The following DENND2B variants were observed in gnomAD, a reference collection of about 807,000 sequenced individuals.
The protein encoded by DENND2B is DENN domain-containing protein 2B.
DENND2B carries 32 observed loss-of-function variants against 116.0 expected under a neutral mutation model. The ratio of observed to expected loss-of-function variants is 0.28; its 90% CI spans 0.21 to 0.37. The LOEUF is 0.37. Ranked by LOEUF, DENND2B falls within the 10% of genes least tolerant of loss-of-function variation. The pLI, the probability that DENND2B is intolerant of heterozygous loss-of-function variation, is 1.00. For synonymous variants in DENND2B, 588 were observed against 583.9 expected (o/e 1.01, Z -0.10); for missense variants, 1,276 against 1,477.7 (o/e 0.86, Z 2.24).
intron 1 of DENND2B, among the ~76,000 whole-genome samples, chr11:8,889,554 C>T (rs2064001409): frequency 1.3e-5 from 2 of 152,232 alleles, no homozygotes. Context: ...TAATACTGCA[C>T]TTTTCCAATG....
chr11:8,775,706 GAGCCAAATAT>G (rs1468691266), intron 1 of DENND2B, among the ~76,000 whole-genome samples: 1 of 152,292 alleles, frequency 6.6e-6, no homozygotes. Context: ...AACCAAATAA[GAGCCAAATAT>G]AGCCAAATAT....
At chr11:8,876,959 G>T (rs1325479365) in intron 2 of DENND2B, among the ~76,000 whole-genome samples, 2 of 140,386 alleles carry the variant, frequency 1.4e-5, no homozygotes, top group East Asian at 3.9e-4. Context: ...GGCTGGATCT[G>T]AGAGTAAATG....
chr11:8,741,754 G>A (rs932695309), intron 2 of DENND2B, among the ~76,000 whole-genome samples: 6 of 152,180 alleles, frequency 3.9e-5, no homozygotes, highest in Non-Finnish European at 5.9e-5. Context: ...CACGTGGAAA[G>A]GGTACATGTA....
chr11:8,738,297 GGAC>G (rs2133972179), intron 2 of DENND2B, among the ~76,000 whole-genome samples: 1 of 152,254 alleles, frequency 6.6e-6, no homozygotes, highest in South Asian at 2.1e-4. Context: ...GAGCGTCTCA[GGAC>G]ATCACTCTTC....
chr11:8,839,634 C>G (rs2062557829), intron 3 of DENND2B, among the ~76,000 whole-genome samples: 1 of 152,154 alleles, frequency 6.6e-6, no homozygotes, highest in East Asian at 1.9e-4. Context: ...AGTGACCCCT[C>G]CTGTCCTCTC....
intron 2 of DENND2B, among the ~76,000 whole-genome samples, chr11:8,733,195 G>A (rs865920919): frequency 1.2e-4 from 19 of 152,348 alleles, no homozygotes; most frequent in Middle Eastern, 3.4e-3. Context: ...GGGGTAGGGA[G>A]CGGCAGGGCA....
chr11:8,787,779 TC>T (rs1019728041), intron 1 of DENND2B, among the ~76,000 whole-genome samples: 1 of 152,232 alleles, frequency 6.6e-6, no homozygotes, highest in Non-Finnish European at 1.5e-5. Context: ...TGATGATCAT[TC>T]TCAAAGAATT....
intron 1 of DENND2B, among the ~76,000 whole-genome samples, chr11:8,756,346 CT>C (rs2053607090): frequency 6.6e-6 from 1 of 152,214 alleles, no homozygotes; most frequent in Non-Finnish European, 1.5e-5. Flanking sequence ...GTAGTTGACT[CT>C]GACATCTGGG....
intron 2 of DENND2B, among the ~76,000 whole-genome samples, chr11:8,740,195 TAA>T (rs536161637): frequency 1.9e-4 from 20 of 106,694 alleles, no homozygotes; most frequent in Admixed American, 2.7e-4. Flanking sequence ...TCTCAAAAAT[TAA>T]AAAAAAAAAA....
rs375839967 is a variant in DENND2B, at chr11:8,736,644, G to A, written c.81-5435C>T. ...ACAACCCAAAGGAAGTGAGCAATGT[G>A]TCTATCCAGGGGAGGAATGTTCCAG... On this transcript the variant is annotated intron_variant, in intron 2 of 19. Transcript: ENST00000313726. Among the ~76,000 whole-genome samples the A allele has an allele frequency of 6.7e-4, 102 of 152,332 alleles. No individual in the cohort carries two copies. The South Asian group carries it at 0.019, about 29-fold the overall frequency.
chr11:8,757,598 G>T lies in DENND2B; in HGVS notation c.-25-6873C>A, dbSNP rs1182703942. ...GCATTTATTATGAGACACGCTGCTA[G>T]ACTTTTAAACATGTAATTATAACAG... On this transcript the variant is annotated intron_variant, in intron 1 of 19. Coordinates refer to ENST00000313726, the MANE Select transcript of DENND2B (RefSeq NM_213618.2). Among the ~76,000 whole-genome samples the T allele has an allele frequency of 2.0e-5, 3 of 152,216 alleles. No individual in the cohort carries two copies. In the East Asian group the frequency reaches 5.8e-4, roughly 29 times the overall value.
intron 2 of DENND2B, 112 bp downstream of exon 2, chr11:8,750,509 C>T: frequency 1.1e-6 from 1 of 900,502 alleles, no homozygotes; most frequent in African/African-American, 1.6e-5. Flanking sequence ...CTGGCCTAGA[C>T]CAGTCACCTG....
At chr11:8,776,237 C>G in intron 1 of DENND2B, 1 of 456,130 alleles carries the variant, frequency 2.2e-6, no homozygotes, top group South Asian at 1.5e-5. Context: ...GTCCACGTGT[C>G]CATTTCTGCC....
intron 5 of DENND2B, 74 bp downstream of exon 5, chr11:8,717,667 C>G: frequency 1.4e-6 from 2 of 1,464,450 alleles, no homozygotes; most frequent in Non-Finnish European, 1.8e-6. Flanking sequence ...GAAGCTGGGC[C>G]CAAGTCTTGG....
rs139074777 is a variant in DENND2B at position 8,730,851 on chromosome 11, G to A, written c.439C>T (p.Pro147Ser). Residue 147 changes from proline (P) to serine (S), a missense_variant, in exon 3 of 20, where the codon CCC becomes TCC. Around this residue, in one of 2 missense-constraint regions of DENND2B, gnomAD observed 856 missense variants for 846.6 expected, o/e 1.01. Coordinates refer to ENST00000313726, the MANE Select transcript of DENND2B (RefSeq NM_213618.2). This position sits in a 1 kb window ranked among gnomAD's most constrained non-coding sequence, Gnocchi z 4.1. The part of the protein sequence containing the change: ...STPFPGPAAG[P>S]RGVLLTRTGT... ...GTACGGGTCAGCAAGACGCCCCGGG[G>A]GCCAGCTGCTGGCCCCGGGAATGGC... 1.4e-5 allele frequency: 23 copies of A among 1,613,436 alleles called. No homozygotes were observed. The highest frequency in any genetic ancestry group is 3.3e-4 in the Middle Eastern group (2 of 6,060).
chr11:8,898,761 A>G (rs547794018), intron 1 of DENND2B, among the ~76,000 whole-genome samples: 4 of 152,366 alleles, frequency 2.6e-5, no homozygotes, highest in Non-Finnish European at 5.9e-5. Flanking sequence ...CCAGTCATTT[A>G]TAGAAATAAA....
upstream of DENND2B, among the ~76,000 whole-genome samples, chr11:8,875,096 G>A (rs1480905570): frequency 3.3e-5 from 5 of 152,078 alleles, no homozygotes; most frequent in African/African-American, 7.2e-5. Flanking sequence ...GGCCGAGGAG[G>A]GCAGATCACA....
At chr11:8,718,335 C>T (rs2045450472) in intron 4 of DENND2B, 1 of 1,530,734 alleles carries the variant, frequency 6.5e-7, no homozygotes, top group Non-Finnish European at 8.8e-7. Context: ...ACCCAACTCT[C>T]AGGGGATCTC....
chr11:8,714,219 A>G (rs1029006243), intron 7 of DENND2B, among the ~76,000 whole-genome samples, 177 bp from the exon 8 acceptor site: 8 of 152,232 alleles, frequency 5.3e-5, no homozygotes, highest in African/African-American at 1.9e-4. Context: ...AGGCTCCTTC[A>G]GAGCTCACAC....
Sources: gnomAD v4.1 joint callset for allele counts (sites outside exome capture counted in the v4.1 genomes callset) on GRCh38, gnomAD v4.1.1 for gene constraint, gnomAD v4.1.1 regional missense constraint, Gnocchi (gnomAD v3.1) non-coding constraint, MANE v1.5 for transcripts, NCBI Gene and HGNC (gene_info 2026-07-23, HGNC 2026-07-21) for gene names.